Variants in CROCC2 observed in about 807,000 individuals in gnomAD.
The protein encoded by CROCC2 is ciliary rootlet coiled-coil protein 2.
A neutral mutation model predicts 177.6 loss-of-function variants in CROCC2; 163 were observed. The ratio of observed to expected loss-of-function variants is 0.92; its 90% CI spans 0.81 to 1.05. The LOEUF is 1.05. Ranked by LOEUF, CROCC2 falls within the 50% of genes least tolerant of loss-of-function variation. The probability of loss-of-function intolerance (pLI) is 0.00; values close to 1 mark genes in which losing one functional copy is unlikely to be tolerated. For missense variants in CROCC2, 1,929 were observed against 1,797.8 expected (o/e 1.07, Z -1.32); for synonymous variants, 904 against 787.3 (o/e 1.15, Z -2.48).
In CROCC2 at chr2:240,949,165, C is replaced by T. The variant is rs542823000; in HGVS notation, c.2482+68C>T. The T allele has an allele frequency of 1.0e-5, 15 of 1,467,592 alleles. No homozygotes were observed. The East Asian group carries it at 2.5e-4, about 24-fold the overall frequency. 90.9% of individuals were successfully genotyped at this position (1,467,592 alleles called of 1,614,324 possible). On this transcript the variant is annotated intron_variant, in intron 16 of 31. Coordinates refer to ENST00000690015, the MANE Select transcript of CROCC2 (RefSeq NM_001351305.2). The surrounding 1 kb of genome is among the most constrained non-coding windows in gnomAD (Gnocchi z 4.5). ...CCATGGAGGGGCCCCTGGAATGGAG[C>T]TCAGTGCCCACACGTGCTGCACCCC... is the stretch of plus-strand genomic sequence containing the variant.
intron 13 of CROCC2, 77 bp from the exon 14 acceptor site, chr2:240,935,281 C>A: frequency 2.3e-6 from 3 of 1,282,244 alleles, no homozygotes; most frequent in Non-Finnish European, 3.0e-6. Flanking sequence ...TGCCCCGGGG[C>A]AGGCCTTGGG....
rs2059889120 is a variant in CROCC2 at position 240,992,875 on chromosome 2, AG to A, written c.4947-186del. On this transcript the variant is annotated intron_variant, in intron 31 of 31. Coordinates refer to ENST00000690015, the MANE Select transcript of CROCC2 (RefSeq NM_001351305.2). ...TTCCCCATTCGCAGTCTCCTCATAG[AG>A]GGGGCCTCCCGCTCTGCAGCCCAGC... Among the ~76,000 whole-genome samples the A allele has an allele frequency of 2.6e-5, 4 of 152,246 alleles. No homozygotes were observed. In the South Asian group the frequency reaches 8.3e-4, roughly 32 times the overall value.
Position 240,960,267 on chromosome 2 carries a change from G to A in CROCC2, c.3087+823G>A, listed in dbSNP as rs1036862550. ...CTTCACTGGGCTGGACACTAAGGTC[G>A]GGGGAGGCTGGATTTGGGGCAGCAG... On this transcript the variant is annotated intron_variant, in intron 20 of 31. Transcript: ENST00000690015. This position sits in a 1 kb window ranked among gnomAD's most constrained non-coding sequence, Gnocchi z 5.0. Among the ~76,000 whole-genome samples, 4 of 152,220 alleles carry A rather than the reference G, an allele frequency of 2.6e-5. No individual in the cohort carries two copies. Among genetic ancestry groups the A allele is most frequent in the Non-Finnish European group, 4.4e-5 (3 of 68,036 alleles).
chr2:240,969,079 C>T (rs2059704489), intron 27 of CROCC2, among the ~76,000 whole-genome samples: 1 of 152,262 alleles, frequency 6.6e-6, no homozygotes, highest in South Asian at 2.1e-4. Context: ...CCAGGCGTCC[C>T]TCAACCCATT....
Position 240,961,847 on chromosome 2 carries a change from GAC to G in CROCC2, c.3088-1702_3088-1701del, listed in dbSNP as rs1207401132. 1.6e-4 allele frequency among the ~76,000 whole-genome samples: 8 copies of G among 49,392 alleles called. 2 individuals carry two copies. The South Asian group carries it at 2.9e-3, about 18-fold the overall frequency. The allele number at this position is 49,392 out of a possible 152,430, so 32.4% of individuals were successfully genotyped here. On this transcript the variant is annotated intron_variant, in intron 20 of 31. Transcript: ENST00000690015. The stretch of plus-strand genomic sequence containing the variant: ...CACACGCACGCACACATACACTCAT[GAC>G]ACACACGCACACACTCATCACACAT...
At chr2:240,975,363 T>A (rs2106485711) in intron 27 of CROCC2, among the ~76,000 whole-genome samples, 1 of 152,340 alleles carries the variant, frequency 6.6e-6, no homozygotes. Flanking sequence ...ATCTGAGGAC[T>A]GTCCAGAGCT....
intron 22 of CROCC2, 39 bp from the exon 23 acceptor site, chr2:240,965,340 CAG>C: frequency 6.5e-7 from 1 of 1,545,708 alleles, no homozygotes; most frequent in Non-Finnish European, 8.7e-7. Flanking sequence ...GGTTCCAGCA[CAG>C]AGACCAGTGA....
At position 240,960,947 on chromosome 2, in the gene CROCC2, G is replaced by GT. The variant is rs1469749021; in HGVS notation, c.3087+1504dup. Among the ~76,000 whole-genome samples, 4 of 150,956 alleles carry GT rather than the reference G, an allele frequency of 2.6e-5. No individual in the cohort carries two copies. Among genetic ancestry groups the GT allele is most frequent in the Non-Finnish European group, 4.4e-5 (3 of 67,776 alleles). On this transcript the variant is annotated intron_variant, in intron 20 of 31. Transcript: ENST00000690015. This position sits in a 1 kb window ranked among gnomAD's most constrained non-coding sequence, Gnocchi z 5.0. ...AGGGGGAGGGGGAGGTGTGGAGAGG[G>GT]TGGGGGTGCATTGGTTCTGCTGGCC...
chr2:240,946,371 G>A (rs1031336347), intron 15 of CROCC2, 118 bp downstream of exon 15: 5 of 1,081,468 alleles, frequency 4.6e-6, no homozygotes, highest in Non-Finnish European at 5.1e-6. Flanking sequence ...GGGAGCGTGT[G>A]CCCATGAAAT....
intron 14 of CROCC2, among the ~76,000 whole-genome samples, chr2:240,944,236 A>G (rs2059510477): frequency 6.6e-6 from 1 of 152,232 alleles, no homozygotes; most frequent in African/African-American, 2.4e-5. Flanking sequence ...TTTTTTAAAA[A>G]ACATTTTTCT....
chr2:240,934,520 C>T, intron 12 of CROCC2, 45 bp downstream of exon 12: 4 of 1,521,602 alleles, frequency 2.6e-6, no homozygotes, highest in Non-Finnish European at 3.5e-6. Flanking sequence ...CTGTCTGCCC[C>T]CACCCACCCT....
At chr2:240,945,972 G>C (rs1353740037) in intron 14 of CROCC2, 88 bp from the exon 15 acceptor site, 2 of 1,030,864 alleles carry the variant, frequency 1.9e-6, no homozygotes, top group African/African-American at 3.2e-5. Flanking sequence ...CACTTCTTCT[G>C]AAGTCCTTTC....
chr2:240,945,944 T>A, intron 14 of CROCC2, 116 bp from the exon 15 acceptor site: 1 of 780,080 alleles, frequency 1.3e-6, no homozygotes, highest in Admixed American at 3.0e-5. Flanking sequence ...TTCACCTCCA[T>A]GCCATTCTGC....
intron 20 of CROCC2, among the ~76,000 whole-genome samples, chr2:240,961,700 GCA>G (rs2059636987): frequency 6.9e-6 from 1 of 144,592 alleles, no homozygotes; most frequent in Non-Finnish European, 1.5e-5. Flanking sequence ...ATACGGACGT[GCA>G]CACACATGCA....
chr2:240,981,572 AC>A (rs1228199343), intron 27 of CROCC2: 2 of 152,124 alleles, frequency 1.3e-5, no homozygotes, highest in African/African-American at 2.4e-5. Context: ...GAGGTTTGGG[AC>A]CTCTTAAAAC....
At chr2:240,925,681 G>T in intron 4 of CROCC2, 43 bp from the exon 5 acceptor site, 1 of 678,234 alleles carries the variant, frequency 1.5e-6, no homozygotes, top group South Asian at 1.6e-5. Context: ...TCTCTTAGGA[G>T]AGGCTTCCTA....
chr2:240,975,565 T>A (rs2059754507), intron 27 of CROCC2, among the ~76,000 whole-genome samples: 1 of 152,076 alleles, frequency 6.6e-6, no homozygotes, highest in Admixed American at 6.6e-5. Context: ...GTCCTGTCCT[T>A]CTCTGTGCAG....
chr2:240,913,265 C>T (rs1291978391), intron 1 of CROCC2, among the ~76,000 whole-genome samples: 1 of 152,002 alleles, frequency 6.6e-6, no homozygotes, highest in African/African-American at 2.4e-5. Context: ...ACCCCCTCCA[C>T]CTTTGCTTCC....
chr2:240,936,064 A>G (rs4675789), intron 14 of CROCC2, among the ~76,000 whole-genome samples: 65,407 of 151,954 alleles, frequency 0.43, 14,677 homozygotes, highest in African/African-American at 0.52. Context: ...CATCCGTGTG[A>G]AAACCCTGTC....
Sources: gnomAD v4.1 joint callset for allele counts (sites outside exome capture counted in the v4.1 genomes callset) on GRCh38, gnomAD v4.1.1 for gene constraint, Gnocchi (gnomAD v3.1) non-coding constraint, MANE v1.5 for transcripts, NCBI Gene and HGNC (gene_info 2026-07-23, HGNC 2026-07-21) for gene names.